ELAPOR1: variants seen among roughly 807,000 people sequenced by gnomAD.
ELAPOR1 encodes the protein endosome-lysosome associated apoptosis and autophagy regulator 1.
In ELAPOR1, 77 loss-of-function variants were observed where a neutral mutation model predicts 119.7. That is an observed-to-expected ratio of 0.64 (90% CI 0.54 to 0.78). The LOEUF (loss-of-function observed/expected upper bound fraction) is 0.78, where lower values mean the gene tolerates loss of function less well. Ranked by LOEUF, ELAPOR1 falls within the 30% of genes least tolerant of loss-of-function variation. The pLI, the probability that ELAPOR1 is intolerant of heterozygous loss-of-function variation, is 0.00. For missense variants in ELAPOR1, 1,115 were observed against 1,270.4 expected (o/e 0.88, Z 1.86); for synonymous variants, 481 against 487.2 (o/e 0.99, Z 0.17).
chr1:109,189,292 T>C, intron 10 of ELAPOR1, 98 bp downstream of exon 10: 2 of 1,436,630 alleles, frequency 1.4e-6, no homozygotes, highest in Non-Finnish European at 1.9e-6. Flanking sequence ...CTGAGAAAAA[T>C]AAGCTAACCA....
intron 1 of ELAPOR1, among the ~76,000 whole-genome samples, chr1:109,156,859 TGGCAGAGGAAGGTGG>T (rs1286233079): frequency 1.3e-5 from 2 of 152,136 alleles, no homozygotes; most frequent in African/African-American, 4.8e-5. Context: ...TGTCCATCCA[TGGCAGAGGAAGGTGG>T]GCCACCTCAC....
At chr1:109,179,211 G>C (rs1652544772) in intron 7 of ELAPOR1, among the ~76,000 whole-genome samples, 1 of 151,312 alleles carries the variant, frequency 6.6e-6, no homozygotes, top group African/African-American at 2.4e-5. Context: ...GACCAGCCTG[G>C]GCAACATGGT....
At chr1:109,117,779 CAT>C (rs1273899017) in intron 1 of ELAPOR1, among the ~76,000 whole-genome samples, 3 of 152,036 alleles carry the variant, frequency 2.0e-5, no homozygotes, top group South Asian at 2.1e-4. Flanking sequence ...ATAAGATTAA[CAT>C]GTGGTAAACA....
intron 1 of ELAPOR1, among the ~76,000 whole-genome samples, chr1:109,117,417 C>A (rs1356662155): frequency 6.6e-6 from 1 of 152,216 alleles, no homozygotes; most frequent in African/African-American, 2.4e-5. Context: ...ACACGCTCTA[C>A]CTTATCCTGA....
At chr1:109,169,873 T>C (rs1651822986) in intron 3 of ELAPOR1, among the ~76,000 whole-genome samples, 1 of 152,194 alleles carries the variant, frequency 6.6e-6, no homozygotes. Context: ...CTCAGACATG[T>C]GCCTAAGGAG....
intron 1 of ELAPOR1, among the ~76,000 whole-genome samples, chr1:109,153,616 G>GTGTTTTGTTTTGTTT (rs201426802): frequency 1.3e-4 from 20 of 148,474 alleles, no homozygotes; most frequent in African/African-American, 4.5e-4. Flanking sequence ...CTTGTGGCAG[G>GTGTTTTGTTTTGTTT]TGTTTTGTTT....
At position 109,192,704 on chromosome 1, in the gene ELAPOR1, C is replaced by T. The variant is rs1037227939; in HGVS notation, c.1777C>T (p.Leu593=). 11 of 1,614,026 alleles carry T rather than the reference C, an allele frequency of 6.8e-6. No homozygotes were observed. The highest frequency in any genetic ancestry group is 9.3e-6 in the Non-Finnish European group (11 of 1,180,036). Residue 593 remains leucine (L), a synonymous_variant, in exon 14 of 22, where the codon CTA becomes TTA. Coordinates refer to ENST00000369939, the MANE Select transcript of ELAPOR1 (RefSeq NM_020775.5). ...GGCCTCCTACTGCCGTCCCTGTGCC[C>T]TAGAAGCCTCTGATGTGGGCTCCTC... The part of the protein sequence containing the change: ...GVASYCRPCA[L]EASDVGSSCT...
chr1:109,122,629 C>T (rs1170142939), intron 1 of ELAPOR1, among the ~76,000 whole-genome samples: 2 of 151,900 alleles, frequency 1.3e-5, no homozygotes, highest in African/African-American at 2.4e-5. Context: ...CCACTACTCT[C>T]CAGCATGGGC....
chr1:109,141,100 C>A (rs1157536125), intron 1 of ELAPOR1, among the ~76,000 whole-genome samples: 1 of 152,136 alleles, frequency 6.6e-6, no homozygotes, highest in African/African-American at 2.4e-5. Flanking sequence ...AATCCGCCTA[C>A]CTTGGCCTCC....
intron 1 of ELAPOR1, among the ~76,000 whole-genome samples, chr1:109,144,061 A>ATTTTTTTTTTTTTTTTTTTTTTTTT (rs71069655): frequency 4.5e-5 from 4 of 88,992 alleles, no homozygotes; most frequent in Middle Eastern, 8.2e-3. Context: ...ATATTTATAT[A>ATTTTTTTTTTTTTTTTTTTTTTTTT]TTTTTTTTTT....
At chr1:109,120,669 G>A (rs769594517) in intron 1 of ELAPOR1, among the ~76,000 whole-genome samples, 7 of 151,616 alleles carry the variant, frequency 4.6e-5, no homozygotes, top group Non-Finnish European at 8.8e-5. Flanking sequence ...ACCAAGTTAG[G>A]GCTTAACTGT....
intron 1 of ELAPOR1, among the ~76,000 whole-genome samples, chr1:109,137,451 G>A (rs190455695): frequency 3.1e-4 from 47 of 152,130 alleles, no homozygotes; most frequent in South Asian, 2.1e-4. Context: ...TGATCTGCCC[G>A]CCTCGGCCGC....
At chr1:109,194,735 T>C in intron 15 of ELAPOR1, 141 bp downstream of exon 15, 1 of 663,112 alleles carries the variant, frequency 1.5e-6, no homozygotes, top group South Asian at 2.1e-5. Context: ...CATATTATTC[T>C]CCCTGAGGAC....
intron 11 of ELAPOR1, among the ~76,000 whole-genome samples, chr1:109,190,504 T>C (rs1653364499): frequency 6.6e-6 from 1 of 152,206 alleles, no homozygotes; most frequent in African/African-American, 2.4e-5. Flanking sequence ...CTGAATATGC[T>C]TCCCTAGTGC....
At chr1:109,137,460 G>A (rs1030261773) in intron 1 of ELAPOR1, among the ~76,000 whole-genome samples, 1 of 144,842 alleles carries the variant, frequency 6.9e-6, no homozygotes, top group African/African-American at 2.6e-5. Context: ...CGCCTCGGCC[G>A]CCCAAAGTGC....
At chr1:109,122,533 C>T (rs1377947282) in intron 1 of ELAPOR1, among the ~76,000 whole-genome samples, 2 of 151,868 alleles carry the variant, frequency 1.3e-5, no homozygotes, top group East Asian at 1.9e-4. Flanking sequence ...TGGTGGCCCA[C>T]GCCTGTAGAC....
intron 9 of ELAPOR1, 107 bp downstream of exon 9, chr1:109,188,461 G>A: frequency 7.5e-7 from 1 of 1,327,318 alleles, no homozygotes; most frequent in Admixed American, 2.2e-5. Context: ...TCCAAGGGAG[G>A]CAGTAAGGAA....
Position 109,163,467 on chromosome 1 carries a change from T to C in ELAPOR1, c.275-1032T>C, listed in dbSNP as rs1651390861. Among the ~76,000 whole-genome samples, 3 of 152,192 alleles carry C rather than the reference T, an allele frequency of 2.0e-5. No homozygotes were observed. In the South Asian group the frequency reaches 6.2e-4, roughly 32 times the overall value. On this transcript the variant is annotated intron_variant, in intron 2 of 21. Transcript: ENST00000369939. ...TGAAGTACAGAGGTGCAATCATAGC[T>C]CTGTAGCCTCGACCTCCTGGGCTCA...
chr1:109,133,441 A>T (rs990394557), intron 1 of ELAPOR1, among the ~76,000 whole-genome samples: 1 of 152,212 alleles, frequency 6.6e-6, no homozygotes, highest in Non-Finnish European at 1.5e-5. Context: ...TGCAACAGAA[A>T]GATGTACTGA....
Sources: allele counts gnomAD v4.1 joint callset (sites outside exome capture counted in the v4.1 genomes callset), GRCh38; gene constraint gnomAD v4.1.1; transcripts MANE v1.5; gene names NCBI Gene and HGNC (gene_info 2026-07-23, HGNC 2026-07-21).